LPGAT1: variants seen among roughly 807,000 people sequenced by gnomAD.
LPGAT1 encodes the protein lysophosphatidylglycerol acyltransferase 1, also known as acyl-CoA:lysophosphatidylglycerol acyltransferase 1.
LPGAT1 carries 11 observed loss-of-function variants against 47.5 expected under a neutral mutation model. The ratio of observed to expected loss-of-function variants is 0.23; its 90% CI spans 0.15 to 0.38. The LOEUF is 0.38. Ranked by LOEUF, LPGAT1 falls within the 10% of genes least tolerant of loss-of-function variation. The pLI, the probability that LPGAT1 is intolerant of heterozygous loss-of-function variation, is 1.00. For missense variants in LPGAT1, 293 were observed against 439.0 expected, an observed-to-expected ratio of 0.67 and a Z score of 2.97; for synonymous variants, 138 against 144.2, an observed-to-expected ratio of 0.96 and a Z score of 0.31.
At chr1:211,766,064 C>T (rs1408428524) in intron 6 of LPGAT1, among the ~76,000 whole-genome samples, 1 of 152,168 alleles carries the variant, frequency 6.6e-6, no homozygotes, top group Non-Finnish European at 1.5e-5. Flanking sequence ...AACATCAGTG[C>T]TCCTGGTTCC....
In LPGAT1 at chr1:211,757,253, T is replaced by C. The variant is rs190292282; in HGVS notation, c.855-6186A>G. On this transcript the variant is annotated intron_variant, in intron 6 of 7. Transcript: ENST00000366997. ...TGGGCAACAAGAGTAAAATTCTGTC[T>C]CAAAAAAAAAAAAAGCTATTGGGCA... Among the ~76,000 whole-genome samples, 298 of 143,490 alleles carry C rather than the reference T, an allele frequency of 2.1e-3. 1 individual carries two copies. The highest frequency in any genetic ancestry group is 7.2e-3 in the African/African-American group (289 of 39,898). The allele number at this position is 143,490 out of a possible 152,430, so 94.1% of individuals were successfully genotyped here.
chr1:211,808,017 G>C (rs1659824332), intron 2 of LPGAT1, among the ~76,000 whole-genome samples: 1 of 152,046 alleles, frequency 6.6e-6, no homozygotes, highest in Non-Finnish European at 1.5e-5. Context: ...AGAATAAAAT[G>C]AGAGAAAATA....
intron 2 of LPGAT1, among the ~76,000 whole-genome samples, chr1:211,799,972 G>C (rs1222348544): frequency 6.6e-6 from 1 of 151,934 alleles, no homozygotes; most frequent in East Asian, 1.9e-4. Context: ...TCTAAGTCCA[G>C]TGGACTCTAC....
chr1:211,824,283 C>G (rs916999079), intron 2 of LPGAT1, among the ~76,000 whole-genome samples: 3 of 152,106 alleles, frequency 2.0e-5, no homozygotes, highest in African/African-American at 7.2e-5. Flanking sequence ...GTAATCCCAG[C>G]TACTCGGGAG....
chr1:211,788,422 C>T (rs1448060413), intron 3 of LPGAT1, among the ~76,000 whole-genome samples: 1 of 152,100 alleles, frequency 6.6e-6, no homozygotes, highest in African/African-American at 2.4e-5. Flanking sequence ...GTGGCTCACG[C>T]CTGTAATCCC....
intron 4 of LPGAT1, among the ~76,000 whole-genome samples, chr1:211,784,804 C>CTTT (rs11393776): frequency 1.5e-5 from 2 of 133,322 alleles, no homozygotes; most frequent in African/African-American, 2.8e-5. Context: ...AAGGTTCTTT[C>CTTT]TTTTTTTTTT....
At chr1:211,752,147 T>A (rs1657215858) in intron 6 of LPGAT1, among the ~76,000 whole-genome samples, 1 of 152,222 alleles carries the variant, frequency 6.6e-6, no homozygotes, top group East Asian at 1.9e-4. Context: ...TTCCTTTCTT[T>A]ACCAATTTTT....
chr1:211,767,224 T>C (rs1176350231), intron 6 of LPGAT1, among the ~76,000 whole-genome samples: 3 of 152,178 alleles, frequency 2.0e-5, no homozygotes, highest in African/African-American at 7.2e-5. Flanking sequence ...CTGCAACCTC[T>C]GCCTCCTGGG....
chr1:211,800,103 C>T (rs1467593818), intron 2 of LPGAT1, among the ~76,000 whole-genome samples: 1 of 151,034 alleles, frequency 6.6e-6, no homozygotes, highest in South Asian at 2.1e-4. Context: ...GGCACAATCT[C>T]GGCTCACTGC....
intron 6 of LPGAT1, among the ~76,000 whole-genome samples, chr1:211,756,977 C>T (rs570332883): frequency 1.2e-3 from 174 of 151,222 alleles, no homozygotes; most frequent in Non-Finnish European, 2.3e-3. Flanking sequence ...CAAACTATCA[C>T]GCCAGGTGCG....
In LPGAT1 at chr1:211,830,725, G is replaced by C; in HGVS notation, c.-180C>G. 8.5e-7 allele frequency: 1 copy of C among 1,178,782 alleles called. No individual in the cohort carries two copies. The highest frequency in any genetic ancestry group is 4.6e-5 in the Admixed American group (1 of 21,944). 73.0% of individuals were successfully genotyped at this position (1,178,782 alleles called of 1,614,324 possible). On this transcript the variant is annotated 5_prime_UTR_variant, in exon 1 of 8. Transcript: ENST00000366997. The surrounding 1 kb of genome is among the most constrained non-coding windows in gnomAD (Gnocchi z 5.9). The stretch of plus-strand genomic sequence containing the variant: ...CGCGCCCGTTCCCCGGCGGCGCCGA[G>C]ACTCGGTCCCCAAGGGCCCGGCCGC...
At chr1:211,796,528 C>T (rs1388427462) in intron 2 of LPGAT1, among the ~76,000 whole-genome samples, 1 of 152,134 alleles carries the variant, frequency 6.6e-6, no homozygotes, top group Non-Finnish European at 1.5e-5. Flanking sequence ...AGAGCATGGC[C>T]CTGCTGACGC....
chr1:211,756,836 T>C (rs1657476573), intron 6 of LPGAT1, among the ~76,000 whole-genome samples: 1 of 151,930 alleles, frequency 6.6e-6, no homozygotes, highest in African/African-American at 2.4e-5. Context: ...TGAGATTCCC[T>C]TCTACAACAG....
In LPGAT1 at chr1:211,829,605, C is replaced by A. The variant is rs1660655298; in HGVS notation, c.-27-282G>T. ...TCCCATTCAGTAATCGGTGGCCGTC[C>A]CCGCACCGTGTCTCACTGCGGTCGT... On this transcript the variant is annotated intron_variant, in intron 1 of 7. Coordinates refer to ENST00000366997, the MANE Select transcript of LPGAT1 (RefSeq NM_014873.3). 6.7e-6 allele frequency: 8 copies of A among 1,201,482 alleles called. No homozygotes were observed. In the South Asian group the frequency reaches 1.7e-4, roughly 25 times the overall value. 74.4% of individuals were successfully genotyped at this position (1,201,482 alleles called of 1,614,324 possible). A position where few individuals can be genotyped will look rare whatever the true frequency, so the allele number is the denominator to read the frequency against.
At chr1:211,810,235 T>G (rs1022706118) in intron 2 of LPGAT1, among the ~76,000 whole-genome samples, 4 of 152,202 alleles carry the variant, frequency 2.6e-5, no homozygotes, top group Non-Finnish European at 4.4e-5. Context: ...TTTTATTTTC[T>G]TCAGAGAGAC....
chr1:211,795,954 T>C (rs1436403042), intron 2 of LPGAT1, among the ~76,000 whole-genome samples: 2 of 152,116 alleles, frequency 1.3e-5, no homozygotes, highest in African/African-American at 4.8e-5. Flanking sequence ...TAGTGGGCTA[T>C]TAAGAGGTAA....
At chr1:211,779,189 G>T in intron 5 of LPGAT1, 145 bp from the exon 6 acceptor site, 1 of 536,188 alleles carries the variant, frequency 1.9e-6, no homozygotes, top group Non-Finnish European at 3.2e-6. Context: ...TGGTGCTCCT[G>T]TTCTATAACA....
rs1320484570 is a variant in LPGAT1, at chr1:211,750,945, A to G, written c.961+16T>C. On this transcript the variant is annotated intron_variant, in intron 7 of 7. Coordinates refer to ENST00000366997, the MANE Select transcript of LPGAT1 (RefSeq NM_014873.3). ...TGTTGCTATAATTTAGCAACTATTT[A>G]AAGGTTACTGTGTACCTGTTTCATA... 1 of 1,548,272 alleles carries G rather than the reference A, an allele frequency of 6.5e-7. No individual in the cohort carries two copies. Among genetic ancestry groups the G allele is most frequent in the Non-Finnish European group, 8.9e-7 (1 of 1,123,778 alleles).
rs192145413 is a variant in LPGAT1 at position 211,747,078 on chromosome 1, T to C, written c.*2821A>G. On this transcript the variant is annotated 3_prime_UTR_variant, in exon 8 of 8. Transcript: ENST00000366997. ...TCTTCTTTCCTCTTGACAAAATATATATACTTTAAACGTCCTTTCATCTCC... is the reference window on the plus strand; with the variant it reads ...TCTTCTTTCCTCTTGACAAAATATACATACTTTAAACGTCCTTTCATCTCC... 1 of 152,358 alleles carries C rather than the reference T, an allele frequency of 6.6e-6. No individual in the cohort carries two copies. Among genetic ancestry groups the C allele is most frequent in the East Asian group, 1.9e-4 (1 of 5,196 alleles). 9.4% of individuals were successfully genotyped at this position (152,358 alleles called of 1,614,324 possible). A position where few individuals can be genotyped will look rare whatever the true frequency, so the allele number is the denominator to read the frequency against.
Sources: allele counts gnomAD v4.1 joint callset (sites outside exome capture counted in the v4.1 genomes callset), GRCh38; gene constraint gnomAD v4.1.1; non-coding constraint Gnocchi (gnomAD v3.1); transcripts MANE v1.5; gene names NCBI Gene and HGNC (gene_info 2026-07-23, HGNC 2026-07-21).